The following SH3PXD2A variants were observed in gnomAD, a reference collection of about 807,000 sequenced individuals.
SH3PXD2A encodes SH3 and PX domains 2A.
SH3PXD2A carries 32 observed loss-of-function variants against 115.2 expected under a neutral mutation model. The observed-to-expected ratio is 0.28, with a 90% CI of 0.21 to 0.37. SH3PXD2A has a LOEUF of 0.37. SH3PXD2A is among the 10% of genes least tolerant of loss of function. The pLI is 1.00. For missense variants in SH3PXD2A, 1,328 were observed against 1,498.7 expected (o/e 0.89, Z 1.88); for synonymous variants, 610 against 629.1 (o/e 0.97, Z 0.45).
intron 3 of SH3PXD2A, among the ~76,000 whole-genome samples, chr10:103,748,160 A>G (rs1324209354): frequency 6.6e-6 from 1 of 152,182 alleles, no homozygotes. Flanking sequence ...ATGACAGTTG[A>G]TCCTCATAAC....
chr10:103,611,769 C>CT (rs2036432944), intron 12 of SH3PXD2A, 139 bp from the exon 13 acceptor site: 4 of 729,148 alleles, frequency 5.5e-6, no homozygotes, highest in Admixed American at 2.1e-5. Flanking sequence ...ACTTGACACT[C>CT]TAAGTCACTA....
chr10:103,849,517 G>T (rs1037574961), intron 1 of SH3PXD2A, among the ~76,000 whole-genome samples: 26 of 152,186 alleles, frequency 1.7e-4, no homozygotes, highest in African/African-American at 6.3e-4. Context: ...GGCTGATATG[G>T]TGACTTGCCT....
chr10:103,852,799 A>G (rs1336995326), intron 1 of SH3PXD2A, among the ~76,000 whole-genome samples: 2 of 152,202 alleles, frequency 1.3e-5, no homozygotes, highest in African/African-American at 2.4e-5. Context: ...ATTAATATAT[A>G]CAATGCCCCA....
At chr10:103,767,824 T>G (rs1006775099) in intron 2 of SH3PXD2A, among the ~76,000 whole-genome samples, 10 of 133,398 alleles carry the variant, frequency 7.5e-5, no homozygotes, top group South Asian at 2.2e-4. Context: ...TTTTTTTTTT[T>G]TTTTTTTTTT....
At chr10:103,654,926 C>T (rs750290526) in intron 8 of SH3PXD2A, among the ~76,000 whole-genome samples, 4 of 151,898 alleles carry the variant, frequency 2.6e-5, no homozygotes, top group Non-Finnish European at 5.9e-5. Flanking sequence ...TCCTTCTCAA[C>T]ATAATCTTGA....
intron 6 of SH3PXD2A, among the ~76,000 whole-genome samples, chr10:103,678,713 G>A (rs2037572089): frequency 6.6e-6 from 1 of 152,154 alleles, no homozygotes; most frequent in Admixed American, 6.5e-5. Context: ...CTTCCCTGAT[G>A]GAGGATATTT....
At chr10:103,786,991 T>C (rs2038987514) in intron 2 of SH3PXD2A, among the ~76,000 whole-genome samples, 1 of 152,194 alleles carries the variant, frequency 6.6e-6, no homozygotes, top group South Asian at 2.1e-4. Context: ...CCTGCAGGCA[T>C]CACCAGCAGC....
intron 3 of SH3PXD2A, among the ~76,000 whole-genome samples, chr10:103,752,637 C>T (rs1041862128): frequency 6.6e-6 from 1 of 152,142 alleles, no homozygotes; most frequent in Non-Finnish European, 1.5e-5. Flanking sequence ...TAAGTAAAAC[C>T]CTGCGACTTT....
intron 8 of SH3PXD2A, among the ~76,000 whole-genome samples, chr10:103,639,510 T>C (rs2036916935): frequency 6.7e-6 from 1 of 148,922 alleles, no homozygotes; most frequent in African/African-American, 2.5e-5. Flanking sequence ...CTTGGGAGGC[T>C]GAGGCAGGAG....
In SH3PXD2A at chr10:103,602,691, T is replaced by C. The variant is rs774534870; in HGVS notation, c.2527A>G (p.Thr843Ala). ...TAGGCGCTGCATGTCATGTACGAGG[T>C]GGCTGGCCCTTCCCATTCCTTCTTG... is the stretch of plus-strand genomic sequence containing the variant. ...PTKKEWEGPA[T>A]SYMTCSAYQK... Residue 843 changes from threonine to alanine, a missense_variant, in exon 15 of 15, where the codon ACC (threonine) becomes GCC (alanine). By Grantham distance (58) the Thr-to-Ala change is moderately conservative. Transcript: ENST00000369774. 6.2e-7 allele frequency: 1 copy of C among 1,613,972 alleles called. No homozygotes were observed. The highest frequency in any genetic ancestry group is 1.1e-5 in the South Asian group (1 of 91,060).
intron 1 of SH3PXD2A, among the ~76,000 whole-genome samples, chr10:103,826,283 C>T (rs57496702): frequency 0.054 from 8,207 of 152,238 alleles, 688 homozygotes; most frequent in East Asian, 0.44. Context: ...TCCATGCTAT[C>T]ATCATCCCTA....
chr10:103,742,802 T>C (rs894549231), intron 3 of SH3PXD2A, among the ~76,000 whole-genome samples: 7 of 152,092 alleles, frequency 4.6e-5, no homozygotes, highest in African/African-American at 1.7e-4. Context: ...ACAGGCAAGC[T>C]GTGGGGACCT....
chr10:103,604,989 G>C (rs543037852), intron 14 of SH3PXD2A, among the ~76,000 whole-genome samples: 1 of 152,346 alleles, frequency 6.6e-6, no homozygotes, highest in South Asian at 2.1e-4. Flanking sequence ...ATTAGATGGA[G>C]TTAACTCAAT....
At chr10:103,651,445 G>A (rs1376163846) in intron 8 of SH3PXD2A, among the ~76,000 whole-genome samples, 1 of 152,226 alleles carries the variant, frequency 6.6e-6, no homozygotes, top group East Asian at 1.9e-4. Context: ...GCTTTCCTGT[G>A]CTCTGTGGCC....
intron 8 of SH3PXD2A, among the ~76,000 whole-genome samples, chr10:103,629,093 C>A (rs1034194419): frequency 3.3e-5 from 5 of 152,212 alleles, no homozygotes; most frequent in African/African-American, 1.2e-4. Context: ...GAAACCCACA[C>A]CAATTCTCAG....
intron 1 of SH3PXD2A, among the ~76,000 whole-genome samples, chr10:103,831,791 A>G (rs564305117): frequency 1.8e-4 from 27 of 152,304 alleles, no homozygotes; most frequent in African/African-American, 6.0e-4. Context: ...AAGAAACCTC[A>G]TGGCAGTTAG....
chr10:103,622,688 T>C lies in SH3PXD2A; in HGVS notation c.719-135A>G. The C allele has an allele frequency of 1.1e-5, 7 of 654,316 alleles. No individual in the cohort carries two copies. The South Asian group carries it at 1.2e-4, about 12-fold the overall frequency. The allele number at this position is 654,316 out of a possible 1,614,324, so 40.5% of individuals were successfully genotyped here. ...GCCCACACTTCCAGTCACCATCACC[T>C]GGACTGAACCAAAGGGCACGCCCCT... is the stretch of plus-strand genomic sequence containing the variant. On this transcript the variant is annotated intron_variant, in intron 9 of 14. Transcript: ENST00000369774.
At position 103,611,518 on chromosome 10, in the gene SH3PXD2A, C is replaced by G. The variant is rs183534511; in HGVS notation, c.1308+63G>C. ...CTCTGCCGCAAGATAGCCAATTGAT[C>G]GGGTGGCTATAGCGCATTCACAGAA... On this transcript the variant is annotated intron_variant, in intron 13 of 14. Coordinates refer to ENST00000369774, the MANE Select transcript of SH3PXD2A (RefSeq NM_001394015.1). 382 of 1,417,576 alleles carry G rather than the reference C, an allele frequency of 2.7e-4. 1 individual carries two copies. The African/African-American group carries it at 4.4e-3, about 16-fold the overall frequency. The allele number at this position is 1,417,576 out of a possible 1,614,324, so 87.8% of individuals were successfully genotyped here. A position where few individuals can be genotyped will look rare whatever the true frequency, so the allele number is the denominator to read the frequency against.
intron 2 of SH3PXD2A, among the ~76,000 whole-genome samples, chr10:103,782,942 G>GCA (rs1407159593): frequency 1.1e-4 from 16 of 151,502 alleles, no homozygotes; most frequent in Admixed American, 1.1e-3. Flanking sequence ...TTGGGGGGGG[G>GCA]GGCTCTCTGA....
Sources: allele counts gnomAD v4.1 joint callset (sites outside exome capture counted in the v4.1 genomes callset), GRCh38; gene constraint gnomAD v4.1.1; transcripts MANE v1.5; gene names NCBI Gene and HGNC (gene_info 2026-07-23, HGNC 2026-07-21).